Variants in CACNB4 observed in about 807,000 individuals in gnomAD.
The protein encoded by CACNB4 is calcium voltage-gated channel auxiliary subunit beta 4, also known as voltage-dependent L-type calcium channel subunit beta-4.
In CACNB4, 32 loss-of-function variants were observed where a neutral mutation model predicts 71.2. That is an observed-to-expected ratio of 0.45 (90% confidence interval 0.34 to 0.60). The LOEUF (loss-of-function observed/expected upper bound fraction) is 0.60, where lower values mean the gene tolerates loss of function less well. Among genes scored for constraint, CACNB4 ranks in the 20% least tolerant of loss-of-function variants. CACNB4 has a pLI of 0.01. For missense variants in CACNB4, 464 were observed against 647.9 expected, an observed-to-expected ratio of 0.72 and a Z score of 3.08; for synonymous variants, 231 against 236.9, an observed-to-expected ratio of 0.97 and a Z score of 0.23.
At chr2:152,004,164 T>C (rs535856275) in intron 2 of CACNB4, among the ~76,000 whole-genome samples, 18 of 152,312 alleles carry the variant, frequency 1.2e-4, no homozygotes, top group South Asian at 8.3e-4. Context: ...CTGAAGAACA[T>C]GTACATTCCA....
At chr2:151,927,544 G>T (rs1036315819) in intron 2 of CACNB4, among the ~76,000 whole-genome samples, 3 of 152,210 alleles carry the variant, frequency 2.0e-5, no homozygotes, top group Non-Finnish European at 4.4e-5. Context: ...GGAGTTTGGG[G>T]AAAGAGCAGA....
At chr2:152,036,952 A>G (rs1341743495) in intron 2 of CACNB4, among the ~76,000 whole-genome samples, 1 of 152,250 alleles carries the variant, frequency 6.6e-6, no homozygotes, top group Non-Finnish European at 1.5e-5. Context: ...GAAAGCAGCT[A>G]TCATGAACTT....
At position 151,885,481 on chromosome 2, in the gene CACNB4, A is replaced by G. The variant is rs536669786; in HGVS notation, c.148-2111T>C. On this transcript the variant is annotated intron_variant, in intron 2 of 13. Transcript: ENST00000539935. Reference sequence around the variant, plus strand: ...GTGACATTAAAATACCTACTCCAGGACCTGGCACATAACAGGCACACAATA... The same window carrying G: ...GTGACATTAAAATACCTACTCCAGGGCCTGGCACATAACAGGCACACAATA... 2.6e-5 allele frequency among the ~76,000 whole-genome samples: 4 copies of G among 152,314 alleles called. No individual in the cohort carries two copies. In the East Asian group the frequency reaches 7.7e-4, roughly 29 times the overall value.
chr2:151,966,677 C>T (rs1253720355), intron 2 of CACNB4, among the ~76,000 whole-genome samples: 2 of 152,164 alleles, frequency 1.3e-5, no homozygotes, highest in African/African-American at 4.8e-5. Context: ...ATTCTTTCAC[C>T]TGTCAACCAC....
intron 3 of CACNB4, among the ~76,000 whole-genome samples, chr2:151,881,623 C>T (rs898147594): frequency 6.6e-6 from 1 of 152,218 alleles, no homozygotes; most frequent in Non-Finnish European, 1.5e-5. Flanking sequence ...GGTCACAAAA[C>T]AGATTCTGAA....
intron 2 of CACNB4, among the ~76,000 whole-genome samples, chr2:151,956,730 T>G (rs573694423): frequency 6.6e-6 from 1 of 152,360 alleles, no homozygotes; most frequent in African/African-American, 2.4e-5. Context: ...TATCAAGTGT[T>G]TACTCTAGGG....
chr2:151,917,885 C>T lies in CACNB4; in HGVS notation c.148-34515G>A, dbSNP rs75325082. ...TCTGAAATGAACACTGTAGTTTACC[C>T]CTAAACTTCTCCTTCCATATGCTTT... is the stretch of plus-strand genomic sequence containing the variant. On this transcript the variant is annotated intron_variant, in intron 2 of 13. Transcript: ENST00000539935. Among the ~76,000 whole-genome samples, 1,447 of 151,616 alleles carry T rather than the reference C, an allele frequency of 9.5e-3. 21 individuals carry two copies. Among genetic ancestry groups the T allele is most frequent in the African/African-American group, 0.032 (1,312 of 41,308 alleles).
chr2:151,966,437 C>A (rs375604878), intron 2 of CACNB4, among the ~76,000 whole-genome samples: 94 of 152,144 alleles, frequency 6.2e-4, no homozygotes, highest in African/African-American at 2.2e-3. Context: ...CCCACCACCA[C>A]GCCCAACTAA....
chr2:151,885,671 C>T (rs1423159434), intron 2 of CACNB4, among the ~76,000 whole-genome samples: 2 of 152,172 alleles, frequency 1.3e-5, no homozygotes, highest in East Asian at 1.9e-4. Flanking sequence ...ACCTGATAAC[C>T]GCAATGTGTC....
Position 152,076,136 on chromosome 2 carries a change from C to CTTTTTTT in CACNB4, c.147+22187_147+22193dup, listed in dbSNP as rs35400714. ...AGGACATGTGATTACCACCTCTTTT[C>CTTTTTTT]TTTTTTTTTTTTTTTTTTTTTTTTG... On this transcript the variant is annotated intron_variant, in intron 2 of 13. Transcript: ENST00000539935. Among the ~76,000 whole-genome samples, 576 of 71,162 alleles carry CTTTTTTT rather than the reference C, an allele frequency of 8.1e-3. 5 individuals carry two copies. The highest frequency in any genetic ancestry group is 0.034 in the Middle Eastern group (2 of 58). The allele number at this position is 71,162 out of a possible 152,430, so 46.7% of individuals were successfully genotyped here.
chr2:151,840,707 A>G (rs2099835973), intron 13 of CACNB4, among the ~76,000 whole-genome samples: 1 of 152,242 alleles, frequency 6.6e-6, no homozygotes, highest in Admixed American at 6.5e-5. Flanking sequence ...GCAATTTTGT[A>G]ACAGAGTAAT....
At chr2:152,045,697 C>G (rs1685111661) in intron 2 of CACNB4, among the ~76,000 whole-genome samples, 1 of 152,094 alleles carries the variant, frequency 6.6e-6, no homozygotes, top group Non-Finnish European at 1.5e-5. Flanking sequence ...TCTCCCTCTC[C>G]CTCACGCAAC....
chr2:152,078,308 CCA>C (rs1687154331), intron 2 of CACNB4, among the ~76,000 whole-genome samples: 1 of 152,132 alleles, frequency 6.6e-6, no homozygotes, highest in African/African-American at 2.4e-5. Context: ...GGAGGGCGGT[CCA>C]CACAGATCCC....
At chr2:151,842,190 A>T (rs1175131561) in intron 12 of CACNB4, 102 bp from the exon 13 acceptor site, 8 of 964,416 alleles carry the variant, frequency 8.3e-6, no homozygotes, top group Admixed American at 2.1e-5. Context: ...AATAGCTATT[A>T]GCTAAAATCA....
chr2:151,845,891 C>T (rs943052774), intron 12 of CACNB4, among the ~76,000 whole-genome samples: 3 of 152,160 alleles, frequency 2.0e-5, no homozygotes, highest in African/African-American at 7.2e-5. Flanking sequence ...ATTAGGCCCC[C>T]TTTCTGGATA....
Position 152,098,893 on chromosome 2 carries a change from A to C in CACNB4, c.63+56T>G, listed in dbSNP as rs1688438773. The C allele has an allele frequency of 6.0e-6, 7 of 1,168,010 alleles. No individual in the cohort carries two copies. Among genetic ancestry groups the C allele is most frequent in the Non-Finnish European group, 8.1e-6 (7 of 868,736 alleles). The allele number at this position is 1,168,010 out of a possible 1,614,324, so 72.4% of individuals were successfully genotyped here. ...AAGGCGGGGCGCGCTAGGGCGGCGG[A>C]GGAGGTGTGAGGAAGGAAGAGGAGG... is the stretch of plus-strand genomic sequence containing the variant. On this transcript the variant is annotated intron_variant, in intron 1 of 13. Transcript: ENST00000539935. This position sits in a 1 kb window ranked among gnomAD's most constrained non-coding sequence, Gnocchi z 5.3.
intron 2 of CACNB4, among the ~76,000 whole-genome samples, chr2:151,935,321 C>T (rs962561427): frequency 6.6e-6 from 1 of 152,190 alleles, no homozygotes; most frequent in African/African-American, 2.4e-5. Context: ...ATTTTCTAAG[C>T]CTCAGTTTCT....
At chr2:151,888,001 C>T (rs1426774317) in intron 2 of CACNB4, among the ~76,000 whole-genome samples, 1 of 151,740 alleles carries the variant, frequency 6.6e-6, no homozygotes, top group Non-Finnish European at 1.5e-5. Context: ...AAAATTCACA[C>T]ATTTTAAGTG....
chr2:152,023,668 C>A lies in CACNB4; in HGVS notation c.147+74662G>T, dbSNP rs547330658. On this transcript the variant is annotated intron_variant, in intron 2 of 13. Coordinates refer to ENST00000539935, the MANE Select transcript of CACNB4 (RefSeq NM_000726.5). Reference sequence around the variant, plus strand: ...CAGGCTGGTCTCCAACTCCTCATCTCAGGTGATCCGCCTGCCTCAGCCTAC... The same window carrying A: ...CAGGCTGGTCTCCAACTCCTCATCTAAGGTGATCCGCCTGCCTCAGCCTAC... Among the ~76,000 whole-genome samples the A allele has an allele frequency of 3.9e-5, 6 of 152,288 alleles. No individual in the cohort carries two copies. In the South Asian group the frequency reaches 1.2e-3, roughly 32 times the overall value.
Sources: allele counts gnomAD v4.1 joint callset (sites outside exome capture counted in the v4.1 genomes callset), GRCh38; gene constraint gnomAD v4.1.1; non-coding constraint Gnocchi (gnomAD v3.1); transcripts MANE v1.5; gene names NCBI Gene and HGNC (gene_info 2026-07-23, HGNC 2026-07-21).